The following PTPN3 variants were observed in gnomAD, a reference collection of about 807,000 sequenced individuals.
PTPN3 encodes the protein tyrosine-protein phosphatase non-receptor type 3.
Under a neutral mutation model 132.7 loss-of-function variants are expected in PTPN3, and 96 were observed. That is an observed-to-expected ratio of 0.72 (90% CI 0.61 to 0.86). PTPN3 has a LOEUF of 0.86. Among genes scored for constraint, PTPN3 ranks in the 40% least tolerant of loss-of-function variants. PTPN3 has a pLI of 0.00. For synonymous variants in PTPN3, 398 were observed against 429.0 expected (o/e 0.93, Z 0.89); for missense variants, 1,125 against 1,159.6 (o/e 0.97, Z 0.43).
chr9:109,458,582 C>T (rs1034089489), intron 2 of PTPN3, among the ~76,000 whole-genome samples: 1 of 152,166 alleles, frequency 6.6e-6, no homozygotes, highest in African/African-American at 2.4e-5. Flanking sequence ...TCAGGCCCCA[C>T]CTGCAGAGAC....
rs147636131 is a variant in PTPN3, at chr9:109,442,561, C to G, written c.466+2679G>C. ...CTATCAGTTCTTTGCAGAAGGGAAC[C>G]TGACTACTGAAGCCTGCGATAGAAT... On this transcript the variant is annotated intron_variant, in intron 7 of 25. Coordinates refer to ENST00000374541, the MANE Select transcript of PTPN3 (RefSeq NM_002829.4). Among the ~76,000 whole-genome samples the G allele has an allele frequency of 1.3e-4, 20 of 152,320 alleles. No individual in the cohort carries two copies. The East Asian group carries it at 3.9e-3, about 29-fold the overall frequency.
At chr9:109,478,681 C>A (rs1196195752) in intron 1 of PTPN3, among the ~76,000 whole-genome samples, 1 of 152,158 alleles carries the variant, frequency 6.6e-6, no homozygotes, top group Admixed American at 6.5e-5. Context: ...GCAAAATCGC[C>A]AAGTTAACTG....
chr9:109,529,293 GA>G, the PTPN3 span, among the ~76,000 whole-genome samples: 3 of 152,206 alleles, frequency 2.0e-5, no homozygotes, highest in African/African-American at 7.2e-5. Flanking sequence ...GAACTTATTA[GA>G]AATGCAAATT....
intron 4 of PTPN3, among the ~76,000 whole-genome samples, chr9:109,455,928 C>G (rs776881662): frequency 2.0e-4 from 31 of 152,224 alleles, no homozygotes; most frequent in Non-Finnish European, 3.8e-4. Context: ...GAATGAATGA[C>G]AACACCTATT....
rs572061149 is a variant in PTPN3, at chr9:109,449,024, C to G, written c.369-169G>C. Reference sequence around the variant, plus strand: ...CTACCTTACGCTCTGCAAAGCTGCCCTGTCATTACTGATGGCTCATGTTGA... The same window carrying G: ...CTACCTTACGCTCTGCAAAGCTGCCGTGTCATTACTGATGGCTCATGTTGA... On this transcript the variant is annotated intron_variant, in intron 5 of 25. Transcript: ENST00000374541. 11 of 1,421,784 alleles carry G rather than the reference C, an allele frequency of 7.7e-6. No homozygotes were observed. The East Asian group carries it at 1.8e-4, about 23-fold the overall frequency. The allele number at this position is 1,421,784 out of a possible 1,614,324, so 88.1% of individuals were successfully genotyped here. A position where few individuals can be genotyped will look rare whatever the true frequency, so the allele number is the denominator to read the frequency against.
At position 109,454,459 on chromosome 9, in the gene PTPN3, A is replaced by G. The variant is rs765273492; in HGVS notation, c.368+37T>C. 10 of 1,542,988 alleles carry G rather than the reference A, an allele frequency of 6.5e-6. No individual in the cohort carries two copies. The Admixed American group carries it at 1.7e-4, about 26-fold the overall frequency. ...ACATTTTTAGTGGTTACTCATTTTTATACACTAAACAGAAAACTTTAAAAA... is the reference window on the plus strand; with the variant it reads ...ACATTTTTAGTGGTTACTCATTTTTGTACACTAAACAGAAAACTTTAAAAA... On this transcript the variant is annotated intron_variant, in intron 5 of 25. Transcript: ENST00000374541.
In PTPN3 at chr9:109,382,044, C is replaced by T. The variant is rs538407425; in HGVS notation, c.2529-257G>A. 5.3e-5 allele frequency among the ~76,000 whole-genome samples: 8 copies of T among 152,320 alleles called. No homozygotes were observed. In the South Asian group the frequency reaches 6.2e-4, roughly 12 times the overall value. Reference sequence around the variant, plus strand: ...TTCCCTTTCTCACTCACACCTATGACGAAGGTCAGCTGACAGAAGGACAGG... The same window carrying T: ...TTCCCTTTCTCACTCACACCTATGATGAAGGTCAGCTGACAGAAGGACAGG... On this transcript the variant is annotated intron_variant, in intron 24 of 25. Coordinates refer to ENST00000374541, the MANE Select transcript of PTPN3 (RefSeq NM_002829.4).
At chr9:109,510,579 AT>A in the PTPN3 span, among the ~76,000 whole-genome samples, 17 of 42,832 alleles carry the variant, frequency 4.0e-4, no homozygotes, top group Admixed American at 1.2e-3. Flanking sequence ...AAAAAAAAAT[AT>A]ATATATATAT....
chr9:109,439,658 C>T (rs1265684940), intron 7 of PTPN3, among the ~76,000 whole-genome samples: 3 of 152,218 alleles, frequency 2.0e-5, no homozygotes, highest in Non-Finnish European at 4.4e-5. Context: ...CCTGTAATCC[C>T]AGCACTTTGG....
chr9:109,448,282 T>C (rs560116051), intron 6 of PTPN3, among the ~76,000 whole-genome samples: 1 of 152,250 alleles, frequency 6.6e-6, no homozygotes, highest in South Asian at 2.1e-4. Context: ...CCCACCAGTT[T>C]ACCTGCTGCA....
At chr9:109,459,105 A>G (rs1845703415) in intron 2 of PTPN3, among the ~76,000 whole-genome samples, 1 of 152,240 alleles carries the variant, frequency 6.6e-6, no homozygotes, top group Non-Finnish European at 1.5e-5. Context: ...ATTCACATAT[A>G]CAGGTATCTA....
chr9:109,427,008 G>T lies in PTPN3; in HGVS notation c.943C>A (p.Pro315Thr). 3 of 1,613,764 alleles carry T rather than the reference G, an allele frequency of 1.9e-6. No homozygotes were observed. The highest frequency in any genetic ancestry group is 2.5e-6 in the Non-Finnish European group (3 of 1,179,660). The change falls in exon 12 of 26, where the codon CCT (proline) becomes ACT (threonine). Residue 315 changes from proline (P) to threonine (T), a missense_variant. Pro to Thr is a conservative substitution (Grantham distance 38). Coordinates refer to ENST00000374541, the MANE Select transcript of PTPN3 (RefSeq NM_002829.4). The part of the protein sequence containing the change: ...HTFFQAKKLL[P>T]QEKNVLSQYW... ...TGAGACAGAACATTCTTTTCCTGAG[G>T]TAGTAGCTTCTTTGCCTGAAAGAAC...
Position 109,379,504 on chromosome 9 carries a change from C to A in PTPN3, c.*52G>T. The A allele has an allele frequency of 6.5e-7, 1 of 1,529,690 alleles. No homozygotes were observed. The allele number at this position is 1,529,690 out of a possible 1,614,324, so 94.8% of individuals were successfully genotyped here. On this transcript the variant is annotated 3_prime_UTR_variant, in exon 26 of 26. Transcript: ENST00000374541. The stretch of plus-strand genomic sequence containing the variant: ...TGCTTCCAGAGAGGTCTGTCCTCCT[C>A]TTTCAAGGAGGATGCCCTTGGGAAA...
chr9:109,462,948 C>G (rs1314776936), intron 2 of PTPN3, among the ~76,000 whole-genome samples: 1 of 151,190 alleles, frequency 6.6e-6, no homozygotes, highest in African/African-American at 2.4e-5. Flanking sequence ...TCTAATGAAG[C>G]ATATATAGGG....
the PTPN3 span, among the ~76,000 whole-genome samples, chr9:109,531,401 C>T: frequency 6.6e-6 from 1 of 152,154 alleles, no homozygotes; most frequent in Admixed American, 6.5e-5. Context: ...TGGCCTTGAT[C>T]TTATTAACCC....
intron 22 of PTPN3, among the ~76,000 whole-genome samples, chr9:109,387,004 G>T (rs1439526918): frequency 1.3e-5 from 2 of 152,178 alleles, no homozygotes; most frequent in Admixed American, 6.5e-5. Context: ...GTGGTGAGTG[G>T]ATGTGGGAAG....
intron 12 of PTPN3, among the ~76,000 whole-genome samples, chr9:109,426,573 T>G (rs1451411462): frequency 6.6e-6 from 1 of 152,216 alleles, no homozygotes; most frequent in African/African-American, 2.4e-5. Context: ...TAGAGCATCT[T>G]ATGGAATTAA....
chr9:109,535,075 C>G, the PTPN3 span, among the ~76,000 whole-genome samples: 99 of 152,168 alleles, frequency 6.5e-4, 1 homozygote, highest in Middle Eastern at 3.4e-3. Flanking sequence ...CTGTGGGATG[C>G]CAGAGCTGGT....
At chr9:109,471,281 C>T (rs112302427) in intron 1 of PTPN3, among the ~76,000 whole-genome samples, 7 of 152,302 alleles carry the variant, frequency 4.6e-5, no homozygotes, top group African/African-American at 1.7e-4. Flanking sequence ...TGGTCTTGAA[C>T]TCCTGACCTC....
Sources: gnomAD v4.1 joint callset for allele counts (sites outside exome capture counted in the v4.1 genomes callset) on GRCh38, gnomAD v4.1.1 for gene constraint, MANE v1.5 for transcripts, NCBI Gene and HGNC (gene_info 2026-07-23, HGNC 2026-07-21) for gene names.